Variants in DNAJC1 observed in about 807,000 individuals in gnomAD.
DNAJC1 encodes DnaJ heat shock protein family (Hsp40) member C1, also known as dnaJ homolog subfamily C member 1.
Under a neutral mutation model 76.6 loss-of-function variants are expected in DNAJC1, and 58 were observed. That is an observed-to-expected ratio of 0.76 (90% CI 0.61 to 0.94). DNAJC1 has a LOEUF of 0.94. Ranked by LOEUF, DNAJC1 falls within the 40% of genes least tolerant of loss-of-function variation. The pLI is 0.00. For synonymous variants in DNAJC1, 258 were observed against 267.9 expected (o/e 0.96, Z 0.36); for missense variants, 689 against 677.3 (o/e 1.02, Z -0.19).
At chr10:21,855,926 A>C (rs1353004968) in intron 8 of DNAJC1, among the ~76,000 whole-genome samples, 3 of 152,214 alleles carry the variant, frequency 2.0e-5, no homozygotes, top group African/African-American at 7.2e-5. Context: ...ATAATATAAC[A>C]GATGACTTCA....
chr10:21,901,007 T>C (rs1265788652), intron 7 of DNAJC1, among the ~76,000 whole-genome samples: 5 of 152,170 alleles, frequency 3.3e-5, no homozygotes, highest in Admixed American at 6.6e-5. Context: ...CCTGCCACAC[T>C]GAAAAGTCAC....
At chr10:21,924,859 T>C (rs1448604068) in intron 3 of DNAJC1, among the ~76,000 whole-genome samples, 1 of 152,228 alleles carries the variant, frequency 6.6e-6, no homozygotes, top group Non-Finnish European at 1.5e-5. Flanking sequence ...TACAAACCTG[T>C]ATAGCATGTT....
chr10:21,829,043 T>C (rs1398193748), intron 8 of DNAJC1, among the ~76,000 whole-genome samples: 3 of 152,114 alleles, frequency 2.0e-5, no homozygotes, highest in Admixed American at 2.0e-4. Flanking sequence ...TACTTTCTTT[T>C]CTTTTTGAGA....
chr10:21,845,876 C>T (rs990469812), intron 8 of DNAJC1, among the ~76,000 whole-genome samples: 3 of 151,980 alleles, frequency 2.0e-5, no homozygotes, highest in Admixed American at 6.6e-5. Flanking sequence ...GGAAGAAGTA[C>T]ATTAAATGAG....
intron 7 of DNAJC1, among the ~76,000 whole-genome samples, chr10:21,902,985 T>C (rs181835931): frequency 2.6e-5 from 4 of 152,228 alleles, no homozygotes; most frequent in Non-Finnish European, 5.9e-5. Flanking sequence ...TGGAGTGCCA[T>C]GGCGTGATCT....
intron 8 of DNAJC1, among the ~76,000 whole-genome samples, chr10:21,820,504 G>C (rs762623185): frequency 6.6e-6 from 1 of 152,086 alleles, no homozygotes; most frequent in Non-Finnish European, 1.5e-5. Context: ...AATACAAAAG[G>C]CTTCTGTGAC....
chr10:21,874,266 T>C (rs1344305969), intron 8 of DNAJC1, among the ~76,000 whole-genome samples: 1 of 151,810 alleles, frequency 6.6e-6, no homozygotes, highest in Non-Finnish European at 1.5e-5. Flanking sequence ...AAAAATAAAT[T>C]AGCCAAGCTT....
At chr10:21,773,917 G>A (rs1014272393) in intron 9 of DNAJC1, among the ~76,000 whole-genome samples, 4 of 151,244 alleles carry the variant, frequency 2.6e-5, no homozygotes, top group African/African-American at 4.9e-5. Flanking sequence ...CGAGGCGGGC[G>A]GATCACGAGG....
chr10:21,808,785 C>T (rs918810412), intron 8 of DNAJC1, among the ~76,000 whole-genome samples: 28 of 152,138 alleles, frequency 1.8e-4, no homozygotes, highest in African/African-American at 6.8e-4. Context: ...CACTTAAAAC[C>T]ATGTGTGTCC....
chr10:21,808,963 A>T (rs1834923674), intron 8 of DNAJC1, among the ~76,000 whole-genome samples: 1 of 152,226 alleles, frequency 6.6e-6, no homozygotes, highest in Non-Finnish European at 1.5e-5. Context: ...AAAAGTTTTC[A>T]AATTATTAAA....
intron 1 of DNAJC1, among the ~76,000 whole-genome samples, chr10:21,969,798 A>G (rs1445040513): frequency 6.6e-6 from 1 of 152,186 alleles, no homozygotes; most frequent in Non-Finnish European, 1.5e-5. Flanking sequence ...TTGGTATTAT[A>G]TCTCAAGAAT....
intron 3 of DNAJC1, among the ~76,000 whole-genome samples, chr10:21,923,285 A>G (rs1344517677): frequency 6.6e-6 from 1 of 151,994 alleles, no homozygotes; most frequent in Non-Finnish European, 1.5e-5. Flanking sequence ...AGCTTCCATT[A>G]TAGTTCATTT....
intron 1 of DNAJC1, among the ~76,000 whole-genome samples, chr10:21,951,046 A>C (rs1367177745): frequency 6.6e-6 from 1 of 152,224 alleles, no homozygotes; most frequent in African/African-American, 2.4e-5. Context: ...TTAAAAAAAA[A>C]AGTAATCTAG....
intron 7 of DNAJC1, 33 bp from the exon 8 acceptor site, chr10:21,882,472 A>AT: frequency 1.5e-6 from 2 of 1,329,808 alleles, no homozygotes; most frequent in African/African-American, 1.5e-5. Context: ...AATTATTGAG[A>AT]TTTTTAAAGA....
chr10:21,864,934 A>G (rs1835973765), intron 8 of DNAJC1, among the ~76,000 whole-genome samples: 1 of 151,994 alleles, frequency 6.6e-6, no homozygotes, highest in Non-Finnish European at 1.5e-5. Flanking sequence ...TTCATAAAAC[A>G]TGATATTCAA....
chr10:21,932,981 A>C (rs1043152498), intron 1 of DNAJC1, among the ~76,000 whole-genome samples: 1 of 152,224 alleles, frequency 6.6e-6, no homozygotes, highest in Non-Finnish European at 1.5e-5. Context: ...AATTGTTTCT[A>C]TAAGTATAGA....
At chr10:21,997,251 T>A (rs1838430959) in intron 1 of DNAJC1, among the ~76,000 whole-genome samples, 1 of 152,150 alleles carries the variant, frequency 6.6e-6, no homozygotes, top group Non-Finnish European at 1.5e-5. Flanking sequence ...AACTGGTTTT[T>A]CCCATCCAAA....
intron 1 of DNAJC1, among the ~76,000 whole-genome samples, chr10:21,976,011 A>G (rs1418984796): frequency 6.6e-6 from 1 of 152,166 alleles, no homozygotes; most frequent in African/African-American, 2.4e-5. Context: ...TAATAGGGAA[A>G]TCTTAAAATG....
At chr10:21,802,029 T>C in intron 9 of DNAJC1, among the ~76,000 whole-genome samples, 1 of 152,030 alleles carries the variant, frequency 6.6e-6, no homozygotes, top group East Asian at 1.9e-4. Context: ...AACTATTGGG[T>C]AGTAGGCTTA....
Sources: gnomAD v4.1 joint callset for allele counts (sites outside exome capture counted in the v4.1 genomes callset) on GRCh38, gnomAD v4.1.1 for gene constraint, MANE v1.5 for transcripts, NCBI Gene and HGNC (gene_info 2026-07-23, HGNC 2026-07-21) for gene names.